Variants in AGK observed in about 807,000 individuals in gnomAD.
AGK encodes the protein acylglycerol kinase, mitochondrial.
A neutral mutation model predicts 66.4 loss-of-function variants in AGK; 52 were observed. That is an observed-to-expected ratio of 0.78 (90% confidence interval 0.63 to 0.99). AGK has a LOEUF of 0.99. Ranked by LOEUF, AGK falls within the 50% of genes least tolerant of loss-of-function variation. AGK has a pLI of 0.00. For synonymous variants in AGK, 182 were observed against 181.1 expected (o/e 1.00, Z -0.04); for missense variants, 451 against 506.6 (o/e 0.89, Z 1.05).
At chr7:141,631,503 A>G (rs1797055703) in intron 9 of AGK, among the ~76,000 whole-genome samples, 1 of 152,212 alleles carries the variant, frequency 6.6e-6, no homozygotes, top group Non-Finnish European at 1.5e-5. Context: ...ATTACACCCC[A>G]AAATTCTGGA....
Position 141,654,994 on chromosome 7 carries a change from G to C in AGK, c.*2070G>C, listed in dbSNP as rs989057362. 1 of 152,204 alleles carries C rather than the reference G, an allele frequency of 6.6e-6. No individual in the cohort carries two copies. Among genetic ancestry groups the C allele is most frequent in the African/African-American group, 2.4e-5 (1 of 41,462 alleles). The allele number at this position is 152,204 out of a possible 1,614,324, so 9.4% of individuals were successfully genotyped here. A position where few individuals can be genotyped will look rare whatever the true frequency, so the allele number is the denominator to read the frequency against. On this transcript the variant is annotated 3_prime_UTR_variant, in exon 16 of 16. Coordinates refer to ENST00000649286, the MANE Select transcript of AGK (RefSeq NM_018238.4). ...CTCATCCCATACCACCCACAGGTAG[G>C]GAGGAAGGATGCTGTAGTATATGAA...
chr7:141,589,927 C>G (rs1400990851), intron 2 of AGK, among the ~76,000 whole-genome samples: 2 of 152,044 alleles, frequency 1.3e-5, no homozygotes, highest in Non-Finnish European at 2.9e-5. Context: ...TTCTGGCTCT[C>G]TCACAGGTGG....
At chr7:141,649,884 G>GT (rs1222939720) in intron 14 of AGK, among the ~76,000 whole-genome samples, 1 of 152,230 alleles carries the variant, frequency 6.6e-6, no homozygotes, top group Non-Finnish European at 1.5e-5. Context: ...AAGGTATTGA[G>GT]TACCTTGGAC....
chr7:141,641,303 C>T lies in AGK; in HGVS notation c.782C>T (p.Pro261Leu). The T allele has an allele frequency of 6.2e-7, 1 of 1,613,974 alleles. No homozygotes were observed. The highest frequency in any genetic ancestry group is 8.5e-7 in the Non-Finnish European group (1 of 1,179,922). The part of the protein sequence containing the change: ...SISYTGPTER[P>L]PNEPEETPVQ... ...TCATACACGGGACCTACAGAGAGAC[C>T]TCCCAATGAACCAGAGGAGACCCCT... is the stretch of plus-strand genomic sequence containing the variant. The change falls in exon 12 of 16, where the codon CCT becomes CTT. Residue 261 changes from proline to leucine, a missense_variant. By Grantham distance (98) the Pro-to-Leu change is moderately conservative. Transcript: ENST00000649286.
chr7:141,639,278 TAC>T (rs1346303591), intron 11 of AGK, among the ~76,000 whole-genome samples: 1 of 152,164 alleles, frequency 6.6e-6, no homozygotes, highest in Non-Finnish European at 1.5e-5. Flanking sequence ...AAGGACACGC[TAC>T]TCCTTCAAGA....
rs1796236296 is a variant in AGK, at chr7:141,596,764, A to G, written c.221+123A>G. ...AACTAGGTTTAGTACTCTTCTAGCA[A>G]TAAGATTCATTTGTAATGTAGAAAT... On this transcript the variant is annotated intron_variant, in intron 4 of 15. Transcript: ENST00000649286. 18 of 757,816 alleles carry G rather than the reference A, an allele frequency of 2.4e-5. No individual in the cohort carries two copies. The South Asian group carries it at 2.9e-4, about 12-fold the overall frequency. 46.9% of individuals were successfully genotyped at this position (757,816 alleles called of 1,614,324 possible).
At chr7:141,563,066 A>G (rs1028642642) in intron 2 of AGK, among the ~76,000 whole-genome samples, 7 of 152,194 alleles carry the variant, frequency 4.6e-5, no homozygotes, top group Admixed American at 3.3e-4. Flanking sequence ...CACTTTGGGG[A>G]ATCACGGTTT....
Position 141,555,661 on chromosome 7 carries a change from C to G in AGK, c.101+94C>G. ...AAATCTTGCTCAGCTGTGCTTATCC[C>G]TATAAAACATGTGGTGTAAAAGAAA... is the stretch of plus-strand genomic sequence containing the variant. On this transcript the variant is annotated intron_variant, in intron 2 of 15. Transcript: ENST00000649286. This position sits in a 1 kb window ranked among gnomAD's most constrained non-coding sequence, Gnocchi z 4.2. 1.2e-6 allele frequency: 1 copy of G among 846,846 alleles called. No homozygotes were observed. Among genetic ancestry groups the G allele is most frequent in the Non-Finnish European group, 1.9e-6 (1 of 535,706 alleles). 52.5% of individuals were successfully genotyped at this position (846,846 alleles called of 1,614,324 possible). A position where few individuals can be genotyped will look rare whatever the true frequency, so the allele number is the denominator to read the frequency against.
intron 5 of AGK, among the ~76,000 whole-genome samples, chr7:141,606,667 A>G (rs1407893872): frequency 6.6e-6 from 1 of 152,110 alleles, no homozygotes; most frequent in Non-Finnish European, 1.5e-5. Flanking sequence ...TCAAGTCCAT[A>G]GTTTTCATTT....
intron 13 of AGK, among the ~76,000 whole-genome samples, chr7:141,647,415 C>T (rs1797442572): frequency 6.6e-6 from 1 of 152,180 alleles, no homozygotes; most frequent in South Asian, 2.1e-4. Context: ...CGCTCTGCTC[C>T]AGCTACACGG....
intron 4 of AGK, among the ~76,000 whole-genome samples, chr7:141,599,852 C>T (rs1431371201): frequency 1.3e-5 from 2 of 152,106 alleles, no homozygotes; most frequent in Admixed American, 1.3e-4. Flanking sequence ...ATTTAATTTG[C>T]TTATAATACA....
At chr7:141,604,400 A>ATG (rs1051470693) in intron 5 of AGK, among the ~76,000 whole-genome samples, 5 of 145,402 alleles carry the variant, frequency 3.4e-5, no homozygotes, top group African/African-American at 1.3e-4. Context: ...ATATATATAT[A>ATG]TATACACATA....
chr7:141,641,265 T>C lies in AGK; in HGVS notation c.744T>C (p.His248=). 6.2e-7 allele frequency: 1 copy of C among 1,613,474 alleles called. No homozygotes were observed. Among genetic ancestry groups the C allele is most frequent in the Non-Finnish European group, 8.5e-7 (1 of 1,179,764 alleles). Residue 248 remains histidine (H), a synonymous_variant, in exon 12 of 16, where the codon CAT becomes CAC. Transcript: ENST00000649286. ...ATTAAAAGGAGTGGCCTCAGACTCA[T>C]CAAGCCTCTATCTCATACACGGGAC... ...FSTLKEWPQT[H]QASISYTGPT...
chr7:141,587,622 C>T (rs1021964065), intron 2 of AGK, among the ~76,000 whole-genome samples: 2 of 152,088 alleles, frequency 1.3e-5, no homozygotes, highest in Non-Finnish European at 1.5e-5. Context: ...GATTCTACTC[C>T]CTATTTTTGC....
At chr7:141,650,465 C>A (rs1797528697) in intron 14 of AGK, 1 of 980,684 alleles carries the variant, frequency 1.0e-6, no homozygotes, top group Non-Finnish European at 1.2e-6. Context: ...TCCTTCTGTT[C>A]TCTACAGGAA....
rs2116963462 is a variant in AGK, at chr7:141,615,535, C to A, written c.488C>A (p.Thr163Asn). 1 of 1,613,878 alleles carries A rather than the reference C, an allele frequency of 6.2e-7. No individual in the cohort carries two copies. The highest frequency in any genetic ancestry group is 2.2e-5 in the East Asian group (1 of 44,868). The change falls in exon 8 of 16, where the codon ACC (threonine) becomes AAC (asparagine). Residue 163 changes from threonine (T) to asparagine (N), a missense_variant. Thr to Asn is a moderately conservative substitution (Grantham distance 65). Coordinates refer to ENST00000649286, the MANE Select transcript of AGK (RefSeq NM_018238.4). ...GGAGAGACCAGTAGTTTGAGTCATA[C>A]CCTCTTTGCCGAAAGTGGAAACAAA... Reference protein sequence around the residue: ...PLGETSSLSHTLFAESGNKVQ... With the variant: ...PLGETSSLSHNLFAESGNKVQ...
chr7:141,649,666 C>T (rs1011607147), intron 14 of AGK, among the ~76,000 whole-genome samples: 4 of 152,246 alleles, frequency 2.6e-5, no homozygotes, highest in Non-Finnish European at 4.4e-5. Context: ...TACCCGACGT[C>T]ATGACTCGGA....
At chr7:141,621,849 C>A in intron 9 of AGK, 48 bp downstream of exon 9, 1 of 1,355,030 alleles carries the variant, frequency 7.4e-7, no homozygotes, top group Non-Finnish European at 1.1e-6. Context: ...GTAATACTCG[C>A]TTACATGTTA....
chr7:141,624,185 C>T (rs1358363288), intron 9 of AGK, among the ~76,000 whole-genome samples: 1 of 152,068 alleles, frequency 6.6e-6, no homozygotes, highest in African/African-American at 2.4e-5. Flanking sequence ...AACAGACATT[C>T]ATCCTGCATC....
Sources: allele counts gnomAD v4.1 joint callset (sites outside exome capture counted in the v4.1 genomes callset), GRCh38; gene constraint gnomAD v4.1.1; non-coding constraint Gnocchi (gnomAD v3.1); transcripts MANE v1.5; gene names NCBI Gene and HGNC (gene_info 2026-07-23, HGNC 2026-07-21).